Variants in CMIP observed in about 807,000 individuals in gnomAD.
The protein encoded by CMIP is C-Maf-inducing protein.
Under a neutral mutation model 97.3 loss-of-function variants are expected in CMIP, and 13 were observed. That is an observed-to-expected ratio of 0.13 (90% CI 0.09 to 0.21). CMIP has a LOEUF of 0.21. CMIP is among the 10% of genes least tolerant of loss of function. The probability of loss-of-function intolerance (pLI) is 1.00; values close to 1 mark genes in which losing one functional copy is unlikely to be tolerated. For missense variants in CMIP, 847 were observed against 1,024.9 expected (o/e 0.83, Z 2.37); for synonymous variants, 538 against 436.3 (o/e 1.23, Z -2.91).
chr16:81,450,252 C>A, intron 1 of CMIP, among the ~76,000 whole-genome samples: 1 of 152,148 alleles, frequency 6.6e-6, no homozygotes, highest in Non-Finnish European at 1.5e-5. Flanking sequence ...TCAGCTTACA[C>A]CTTTGATTAA....
At chr16:81,697,001 T>G in intron 14 of CMIP, 1 of 342,638 alleles carries the variant, frequency 2.9e-6, no homozygotes, top group Non-Finnish European at 5.4e-6. Flanking sequence ...ACACAGTTCA[T>G]TGCCATGGTT....
In CMIP at chr16:81,471,367, T is replaced by C. The variant is rs539420414; in HGVS notation, c.300+25826T>C. ...ATAGGTGCACACATATGTATACATG[T>C]ATGTGTATACATGTGCATATGCATA... On this transcript the variant is annotated intron_variant, in intron 1 of 20. Coordinates refer to ENST00000537098, the MANE Select transcript of CMIP (RefSeq NM_198390.3). 7.7e-4 allele frequency among the ~76,000 whole-genome samples: 117 copies of C among 152,336 alleles called. 1 individual carries two copies. In the South Asian group the frequency reaches 0.013, roughly 18 times the overall value.
intron 5 of CMIP, among the ~76,000 whole-genome samples, 165 bp from the exon 6 acceptor site, chr16:81,660,719 A>G (rs2092536015): frequency 6.8e-6 from 1 of 147,658 alleles, no homozygotes; most frequent in African/African-American, 2.5e-5. Flanking sequence ...TTTTTGGGGG[A>G]TTTTTTCTTT....
intron 9 of CMIP, among the ~76,000 whole-genome samples, 176 bp from the exon 10 acceptor site, chr16:81,678,099 T>C (rs1009800447): frequency 1.3e-5 from 2 of 152,210 alleles, no homozygotes; most frequent in Non-Finnish European, 2.9e-5. Context: ...TGTCTAGACC[T>C]TGGGCAAGCC....
chr16:81,701,423 G>A (rs1444268963), intron 15 of CMIP, among the ~76,000 whole-genome samples: 1 of 152,172 alleles, frequency 6.6e-6, no homozygotes, highest in African/African-American at 2.4e-5. Context: ...CAGATGCCTG[G>A]GAGACTCCCA....
chr16:81,563,296 A>C (rs2090919984), intron 1 of CMIP, among the ~76,000 whole-genome samples: 1 of 152,228 alleles, frequency 6.6e-6, no homozygotes, highest in South Asian at 2.1e-4. Context: ...TCATGGGCTC[A>C]TACCTTGGAG....
intron 7 of CMIP, among the ~76,000 whole-genome samples, chr16:81,667,799 A>AGAGAGTGTGTGTGTGT: frequency 5.5e-4 from 32 of 58,130 alleles, no homozygotes; most frequent in Non-Finnish European, 8.0e-4. Context: ...AGAGAGAGAG[A>AGAGAGTGTGTGTGTGT]GTGTGTGTGT....
chr16:81,504,578 G>A (rs2089670878), intron 1 of CMIP, among the ~76,000 whole-genome samples: 2 of 142,928 alleles, frequency 1.4e-5, no homozygotes, highest in Admixed American at 7.7e-5. Flanking sequence ...AGGAGATGGA[G>A]GTTGCAGTGA....
intron 10 of CMIP, among the ~76,000 whole-genome samples, chr16:81,688,550 A>G (rs1028592143): frequency 2.6e-5 from 4 of 152,222 alleles, no homozygotes; most frequent in Admixed American, 2.0e-4. Flanking sequence ...TGTAAAGAGT[A>G]AATGAACTAA....
rs1019195490 is a variant in CMIP, at chr16:81,616,476, G to C, written c.427-4400G>C. ...GGAGGTGTGTGTGAGCATTTCTCGT[G>C]GTGCCTGGTACCGAGTAAGCACCCG... On this transcript the variant is annotated intron_variant, in intron 2 of 20. Transcript: ENST00000537098. The surrounding 1 kb of genome is among the most constrained non-coding windows in gnomAD (Gnocchi z 4.7). 1.3e-5 allele frequency among the ~76,000 whole-genome samples: 2 copies of C among 152,210 alleles called. No individual in the cohort carries two copies. The highest frequency in any genetic ancestry group is 4.8e-5 in the African/African-American group (2 of 41,462).
rs143644924 is a variant in CMIP at position 81,705,401 on chromosome 16, G to C, written c.2092-98G>C. On this transcript the variant is annotated intron_variant, in intron 18 of 20. Coordinates refer to ENST00000537098, the MANE Select transcript of CMIP (RefSeq NM_198390.3). ...TGGTGGGCCATGGGCCTCAGAGCCA[G>C]GCTCTGTCCCCATCCCTTTCCTCCA... The C allele has an allele frequency of 2.8e-5, 24 of 868,308 alleles. No individual in the cohort carries two copies. In the East Asian group the frequency reaches 6.4e-4, roughly 23 times the overall value. The allele number at this position is 868,308 out of a possible 1,614,324, so 53.8% of individuals were successfully genotyped here. A position where few individuals can be genotyped will look rare whatever the true frequency, so the allele number is the denominator to read the frequency against.
intron 9 of CMIP, among the ~76,000 whole-genome samples, chr16:81,673,366 A>T (rs1451477426): frequency 6.6e-6 from 1 of 152,078 alleles, no homozygotes; most frequent in African/African-American, 2.4e-5. Flanking sequence ...AAAAATATAA[A>T]AATTAGCCGG....
At chr16:81,553,565 G>A (rs2090702499) in intron 1 of CMIP, among the ~76,000 whole-genome samples, 1 of 152,218 alleles carries the variant, frequency 6.6e-6, no homozygotes, top group African/African-American at 2.4e-5. Context: ...GTGACGCCCT[G>A]TGGCTCCTTT....
At chr16:81,699,489 G>A (rs957696754) in intron 14 of CMIP, among the ~76,000 whole-genome samples, 196 bp from the exon 15 acceptor site, 1 of 152,160 alleles carries the variant, frequency 6.6e-6, no homozygotes, top group Non-Finnish European at 1.5e-5. Flanking sequence ...TGTCCTCAGG[G>A]TTCATCTGGG....
chr16:81,448,550 G>T (rs60193157), intron 1 of CMIP, among the ~76,000 whole-genome samples: 2 of 152,034 alleles, frequency 1.3e-5, no homozygotes, highest in South Asian at 2.1e-4. Context: ...AGCCTCACCC[G>T]CCTGGCCTGC....
intron 1 of CMIP, among the ~76,000 whole-genome samples, chr16:81,494,298 C>G (rs1052608197): frequency 1.3e-5 from 2 of 152,218 alleles, no homozygotes; most frequent in Non-Finnish European, 1.5e-5. Flanking sequence ...AGGGCAGAGC[C>G]CAGCCAGCTG....
chr16:81,533,996 C>T (rs1314173860), intron 1 of CMIP: 1 of 152,238 alleles, frequency 6.6e-6, no homozygotes, highest in Non-Finnish European at 1.5e-5. Flanking sequence ...TTCTTCTCTC[C>T]ACCATCTGGT....
rs1196515127 is a variant in CMIP at position 81,592,644 on chromosome 16, C to CTT, written c.301-14923_301-14922insTT. On this transcript the variant is annotated intron_variant, in intron 1 of 20. Coordinates refer to ENST00000537098, the MANE Select transcript of CMIP (RefSeq NM_198390.3). ...GGTAGAAGCAAGGCAGGACTCAAAACAACAGTCCTGGCTTCCATGTGGCCG... is the reference window on the plus strand; with the variant it reads ...GGTAGAAGCAAGGCAGGACTCAAAACTTAACAGTCCTGGCTTCCATGTGGCCG... Among the ~76,000 whole-genome samples the CTT allele has an allele frequency of 2.6e-5, 4 of 152,242 alleles. No individual in the cohort carries two copies. The East Asian group carries it at 7.7e-4, about 29-fold the overall frequency.
intron 1 of CMIP, among the ~76,000 whole-genome samples, chr16:81,457,605 C>CG (rs1015179608): frequency 1.3e-5 from 2 of 152,094 alleles, no homozygotes; most frequent in African/African-American, 2.4e-5. Flanking sequence ...CACATGTCCC[C>CG]GGGGGGCCAC....
Sources: allele counts gnomAD v4.1 joint callset (sites outside exome capture counted in the v4.1 genomes callset), GRCh38; gene constraint gnomAD v4.1.1; non-coding constraint Gnocchi (gnomAD v3.1); transcripts MANE v1.5; gene names NCBI Gene and HGNC (gene_info 2026-07-23, HGNC 2026-07-21).